Variants in CPNE4 observed in about 807,000 individuals in gnomAD.
CPNE4 encodes the protein copine-4.
Under a neutral mutation model 67.9 loss-of-function variants are expected in CPNE4, and 25 were observed. The observed-to-expected ratio is 0.37, with a 90% CI of 0.27 to 0.51. The LOEUF (loss-of-function observed/expected upper bound fraction) is 0.51. Ranked by LOEUF, CPNE4 falls within the 20% of genes least tolerant of loss-of-function variation. The pLI is 0.93. For missense variants in CPNE4, 464 were observed against 690.8 expected (o/e 0.67, Z 3.68); for synonymous variants, 242 against 244.9 (o/e 0.99, Z 0.11).
At chr3:131,744,994 T>G (rs2082454173) in intron 2 of CPNE4, among the ~76,000 whole-genome samples, 1 of 152,318 alleles carries the variant, frequency 6.6e-6, no homozygotes, top group East Asian at 1.9e-4. Flanking sequence ...TGTTAATTTT[T>G]AAAGAAACTG....
intron 1 of CPNE4, among the ~76,000 whole-genome samples, chr3:132,010,571 A>G (rs947778843): frequency 6.6e-6 from 1 of 152,048 alleles, no homozygotes; most frequent in East Asian, 1.9e-4. Context: ...GGGTATCTGG[A>G]CACTTGTGTC....
intron 1 of CPNE4, among the ~76,000 whole-genome samples, chr3:132,008,131 A>C (rs570499763): frequency 6.5e-4 from 99 of 152,296 alleles, no homozygotes; most frequent in Middle Eastern, 6.8e-3. Flanking sequence ...TTATATGGGA[A>C]TGATTCAGTT....
At chr3:131,907,274 A>C (rs368624046) in intron 1 of CPNE4, among the ~76,000 whole-genome samples, 1 of 152,170 alleles carries the variant, frequency 6.6e-6, no homozygotes, top group African/African-American at 2.4e-5. Flanking sequence ...TTGTAGATTC[A>C]TTAGGGAAAA....
chr3:131,931,824 A>G (rs2071070285), intron 1 of CPNE4, among the ~76,000 whole-genome samples: 5 of 152,170 alleles, frequency 3.3e-5, no homozygotes, highest in Admixed American at 3.3e-4. Context: ...ATGGGCTTCA[A>G]ATTTCTTACT....
chr3:131,917,236 G>A (rs1339161648), intron 1 of CPNE4, among the ~76,000 whole-genome samples: 1 of 152,150 alleles, frequency 6.6e-6, no homozygotes, highest in Non-Finnish European at 1.5e-5. Context: ...TCATGTTTCT[G>A]CTAAAAGTTT....
intron 7 of CPNE4, among the ~76,000 whole-genome samples, chr3:131,647,244 A>T (rs2079689642): frequency 6.6e-6 from 1 of 152,358 alleles, no homozygotes; most frequent in East Asian, 1.9e-4. Flanking sequence ...TTTAGAATAC[A>T]TAAGATATAT....
In CPNE4 at chr3:131,595,756, C is replaced by T. The variant is rs1306972533; in HGVS notation, c.682-8174G>A. 2.0e-5 allele frequency among the ~76,000 whole-genome samples: 3 copies of T among 152,204 alleles called. No individual in the cohort carries two copies. In the East Asian group the frequency reaches 5.8e-4, roughly 29 times the overall value. On this transcript the variant is annotated intron_variant, in intron 7 of 15. Transcript: ENST00000429747. ...GAAGACTCCACCCCTATGACCCAAA[C>T]ACCTCCCACCAAGCCCCATCTCCAA...
At chr3:131,641,465 T>C (rs1458622370) in intron 7 of CPNE4, among the ~76,000 whole-genome samples, 3 of 152,140 alleles carry the variant, frequency 2.0e-5, no homozygotes, top group South Asian at 4.1e-4. Flanking sequence ...TGCAATGCAA[T>C]ACCGCCTCAC....
chr3:131,714,499 G>A (rs1325682347), intron 3 of CPNE4, among the ~76,000 whole-genome samples: 3 of 152,196 alleles, frequency 2.0e-5, no homozygotes, highest in African/African-American at 7.2e-5. Context: ...TTCACCAGAT[G>A]TTTTCTATGT....
intron 8 of CPNE4, among the ~76,000 whole-genome samples, chr3:131,585,298 T>C (rs1389953909): frequency 6.6e-6 from 1 of 152,222 alleles, no homozygotes; most frequent in Non-Finnish European, 1.5e-5. Context: ...GCAGGGACCA[T>C]GTCAGCATTG....
At chr3:131,735,565 A>G (rs2082215316) in intron 2 of CPNE4, among the ~76,000 whole-genome samples, 1 of 152,212 alleles carries the variant, frequency 6.6e-6, no homozygotes, top group Non-Finnish European at 1.5e-5. Context: ...ATATTTTCCA[A>G]ACTTGTTTAG....
chr3:131,807,237 CA>C (rs1480970347), intron 2 of CPNE4, among the ~76,000 whole-genome samples: 1 of 152,040 alleles, frequency 6.6e-6, no homozygotes, highest in African/African-American at 2.4e-5. Context: ...TTCCTTGCCC[CA>C]AGCCAGACAC....
At chr3:131,584,767 T>C (rs187745617) in intron 8 of CPNE4, among the ~76,000 whole-genome samples, 2 of 152,336 alleles carry the variant, frequency 1.3e-5, no homozygotes, top group Admixed American at 6.5e-5. Flanking sequence ...CATGAGACTA[T>C]TGAGTATTTG....
chr3:131,859,742 A>T (rs1298496478), intron 2 of CPNE4, among the ~76,000 whole-genome samples: 1 of 152,198 alleles, frequency 6.6e-6, no homozygotes, highest in Non-Finnish European at 1.5e-5. Context: ...TGCAGATGAC[A>T]AGTGTCCCTG....
intron 2 of CPNE4, among the ~76,000 whole-genome samples, chr3:131,812,217 GA>G (rs1324486224): frequency 1.2e-5 from 1 of 85,296 alleles, no homozygotes; most frequent in African/African-American, 4.0e-5. Flanking sequence ...GGTAAAATTG[GA>G]AGAAAAAAAA....
chr3:131,872,219 G>A lies in CPNE4; in HGVS notation c.180+33045C>T, dbSNP rs2087246470. The stretch of plus-strand genomic sequence containing the variant: ...GTAGAGAGAGAGAGAGAAACAGAGA[G>A]AAAGAAGGAGAGAGAGAGAGATTTA... On this transcript the variant is annotated intron_variant, in intron 2 of 15. Transcript: ENST00000429747. 4.6e-5 allele frequency among the ~76,000 whole-genome samples: 7 copies of A among 152,028 alleles called. 1 individual carries two copies. The South Asian group carries it at 1.5e-3, about 32-fold the overall frequency.
At position 131,569,155 on chromosome 3, in the gene CPNE4, C is replaced by T. The variant is rs1022322425; in HGVS notation, c.928-4806G>A. ...TCTGGAAATGGCAAAGCATTTGCCT[C>T]TTTAACCCATTGTACCCTGGCTTTG... On this transcript the variant is annotated intron_variant, in intron 10 of 15. Transcript: ENST00000429747. 2.0e-5 allele frequency among the ~76,000 whole-genome samples: 3 copies of T among 152,004 alleles called. No individual in the cohort carries two copies. The South Asian group carries it at 6.2e-4, about 31-fold the overall frequency.
intron 3 of CPNE4, among the ~76,000 whole-genome samples, chr3:131,708,847 T>G (rs1157446202): frequency 6.6e-6 from 1 of 151,006 alleles, no homozygotes; most frequent in Non-Finnish European, 1.5e-5. Context: ...GTTGCTACAG[T>G]TTTTCTTTGG....
At chr3:131,689,563 GCC>G (rs368700236) in intron 5 of CPNE4, among the ~76,000 whole-genome samples, 142,211 of 152,162 alleles carry the variant, frequency 0.93, 66,857 homozygotes, top group Middle Eastern at 0.97. Flanking sequence ...AAAATAATAA[GCC>G]ATCTTATGCT....
Sources: gnomAD v4.1 joint callset for allele counts (sites outside exome capture counted in the v4.1 genomes callset) on GRCh38, gnomAD v4.1.1 for gene constraint, MANE v1.5 for transcripts, NCBI Gene and HGNC (gene_info 2026-07-23, HGNC 2026-07-21) for gene names.